NUP98: variants seen among roughly 807,000 people sequenced by gnomAD.
NUP98 encodes the protein nucleoporin 98 and 96 precursor.
In NUP98, 26 loss-of-function variants were observed where a neutral mutation model predicts 191.9. The ratio of observed to expected loss-of-function variants is 0.14; its 90% CI spans 0.10 to 0.19. The LOEUF is 0.19. Ranked by LOEUF, NUP98 falls within the 10% of genes least tolerant of loss-of-function variation. The pLI is 1.00. For synonymous variants in NUP98, 808 were observed against 778.4 expected (o/e 1.04, Z -0.63); for missense variants, 1,941 against 2,178.8 (o/e 0.89, Z 2.17).
At chr11:3,709,537 TA>T (rs2078968692) in intron 20 of NUP98, among the ~76,000 whole-genome samples, 1 of 151,892 alleles carries the variant, frequency 6.6e-6, no homozygotes, top group Non-Finnish European at 1.5e-5. Context: ...ATCCTGTCTC[TA>T]AAACAATAAA....
intron 8 of NUP98, among the ~76,000 whole-genome samples, chr11:3,766,097 AG>A (rs2081328867): frequency 6.6e-6 from 1 of 152,142 alleles, no homozygotes; most frequent in African/African-American, 2.4e-5. Context: ...AAGTAAAGCC[AG>A]GTACAGCTGC....
chr11:3,702,241 A>AACAC (rs1180575472), intron 23 of NUP98, among the ~76,000 whole-genome samples: 9 of 143,994 alleles, frequency 6.3e-5, no homozygotes, highest in Non-Finnish European at 1.2e-4. Flanking sequence ...GAGACTCAAA[A>AACAC]ACACACACAC....
Position 3,676,185 on chromosome 11 carries a change from G to A in NUP98, c.5377C>T (p.Arg1793Ter). The change falls in exon 33 of 33, where the codon CGA (arginine) becomes TGA (stop). Residue 1793 changes from arginine (R) to a stop codon, truncating the protein, a stop_gained. Transcript: ENST00000324932. LOFTEE classifies it high-confidence loss of function. The part of the protein sequence containing the change: ...ELRSLTQSYL[R>*]ELAVGSL ...CACAGGCTCCCAACAGCCAGTTCTC[G>A]CAGATAGGACTGGGTAAGGCTGCGC... 6.2e-7 allele frequency: 1 copy of A among 1,614,114 alleles called. No homozygotes were observed. Among genetic ancestry groups the A allele is most frequent in the South Asian group, 1.1e-5 (1 of 91,078 alleles).
chr11:3,716,258 C>T (rs998894909), intron 18 of NUP98, among the ~76,000 whole-genome samples: 1 of 152,036 alleles, frequency 6.6e-6, no homozygotes, highest in African/African-American at 2.4e-5. Context: ...TTGTATATGG[C>T]ATAACTTCAC....
chr11:3,752,143 C>CAAA (rs112322581), intron 11 of NUP98, among the ~76,000 whole-genome samples: 1 of 121,556 alleles, frequency 8.2e-6, no homozygotes, highest in East Asian at 2.3e-4. Context: ...GACTCCATCT[C>CAAA]AAAAAAAAAA....
At chr11:3,720,248 T>G (rs1165447197) in intron 17 of NUP98, among the ~76,000 whole-genome samples, 1 of 152,158 alleles carries the variant, frequency 6.6e-6, no homozygotes, top group Admixed American at 6.5e-5. Context: ...TTATCAGTAA[T>G]AATAACATGA....
chr11:3,756,862 C>T (rs1010334518), intron 10 of NUP98, among the ~76,000 whole-genome samples: 2 of 151,214 alleles, frequency 1.3e-5, no homozygotes, highest in Non-Finnish European at 2.9e-5. Context: ...CCGAGGTGAG[C>T]GGATCACGAG....
chr11:3,765,566 G>C (rs2081309237), intron 8 of NUP98, among the ~76,000 whole-genome samples: 1 of 152,020 alleles, frequency 6.6e-6, no homozygotes, highest in South Asian at 2.1e-4. Context: ...TTGAGAGGCT[G>C]AGGCAGTCGG....
chr11:3,742,699 C>CAAGA (rs1491189702), intron 12 of NUP98, among the ~76,000 whole-genome samples: 20 of 82,888 alleles, frequency 2.4e-4, no homozygotes, highest in Admixed American at 1.4e-3. Context: ...ACTCTGTCTC[C>CAAGA]AAAAAAAAAA....
chr11:3,744,395 G>A, intron 12 of NUP98, 114 bp downstream of exon 12: 3 of 1,037,130 alleles, frequency 2.9e-6, no homozygotes, highest in Non-Finnish European at 2.7e-6. Context: ...ATTGTTTAAT[G>A]ACATGCATGT....
chr11:3,733,930 A>T lies in NUP98; in HGVS notation c.1542+1261T>A, dbSNP rs572350921. 5.9e-5 allele frequency among the ~76,000 whole-genome samples: 9 copies of T among 152,298 alleles called. No individual in the cohort carries two copies. The South Asian group carries it at 1.7e-3, about 28-fold the overall frequency. On this transcript the variant is annotated intron_variant, in intron 13 of 32. Transcript: ENST00000324932. The stretch of plus-strand genomic sequence containing the variant: ...TACCTAAAATTAGGCTGCATAAATA[A>T]TTGTCTAATCATTTACACATCACTT...
At chr11:3,772,056 A>C in intron 6 of NUP98, 128 bp from the exon 7 acceptor site, 1 of 714,666 alleles carries the variant, frequency 1.4e-6, no homozygotes, top group South Asian at 2.1e-5. Context: ...AAAAGAGAAA[A>C]CTAAGGAATG....
At chr11:3,699,854 C>T (rs1223706534) in intron 24 of NUP98, among the ~76,000 whole-genome samples, 6 of 152,224 alleles carry the variant, frequency 3.9e-5, no homozygotes, top group Admixed American at 2.6e-4. Flanking sequence ...TTTCAATAAA[C>T]GTGATTTGCT....
intron 7 of NUP98, among the ~76,000 whole-genome samples, chr11:3,770,460 G>A (rs778423744): frequency 2.6e-5 from 4 of 152,104 alleles, no homozygotes; most frequent in Middle Eastern, 3.4e-3. Flanking sequence ...CATGAGTGAC[G>A]GGAGTAAGAC....
In NUP98 at chr11:3,704,923, T is replaced by G. The variant is rs555357075; in HGVS notation, c.3082+277A>C. Among the ~76,000 whole-genome samples, 7 of 152,352 alleles carry G rather than the reference T, an allele frequency of 4.6e-5. No individual in the cohort carries two copies. In the East Asian group the frequency reaches 1.3e-3, roughly 29 times the overall value. Reference sequence around the variant, plus strand: ...ACTCAGGAGGCTGAGACAGGAGGACTGCTTGAGCCCAAGAGTTCAAGGCTG... The same window carrying G: ...ACTCAGGAGGCTGAGACAGGAGGACGGCTTGAGCCCAAGAGTTCAAGGCTG... On this transcript the variant is annotated intron_variant, in intron 22 of 32. Coordinates refer to ENST00000324932, the MANE Select transcript of NUP98 (RefSeq NM_016320.5).
At chr11:3,760,681 C>G in intron 9 of NUP98, 55 bp from the exon 10 acceptor site, 1 of 1,480,900 alleles carries the variant, frequency 6.8e-7, no homozygotes, top group South Asian at 1.2e-5. Flanking sequence ...ACACACCAAA[C>G]TAAATACAGG....
rs1487065847 is a variant in NUP98 at position 3,702,324 on chromosome 11, CTCTCTCT to C, written c.3512+132_3512+138del. ...ACACACACACACACACTCTCTCTCT[CTCTCTCT>C]CTCTCTCTCTCTCTCTCTCTCTCTC... On this transcript the variant is annotated intron_variant, in intron 23 of 32. Transcript: ENST00000324932. 1.7e-4 allele frequency: 26 copies of C among 152,580 alleles called. 1 individual carries two copies. Among genetic ancestry groups the C allele is most frequent in the Middle Eastern group, 1.5e-3 (1 of 670 alleles). The allele number at this position is 152,580 out of a possible 1,614,324, so 9.5% of individuals were successfully genotyped here. A position where few individuals can be genotyped will look rare whatever the true frequency, so the allele number is the denominator to read the frequency against.
chr11:3,693,223 C>G lies in NUP98; in HGVS notation c.4311+9G>C. The G allele has an allele frequency of 1.2e-6, 2 of 1,613,412 alleles. No individual in the cohort carries two copies. Among genetic ancestry groups the G allele is most frequent in the South Asian group, 2.2e-5 (2 of 90,984 alleles). The stretch of plus-strand genomic sequence containing the variant: ...AAGATTTTTGCTTGGCTCTATTGGC[C>G]ACATATACCTGAAATGCTTCTTCAT... On this transcript the variant is annotated intron_variant, in intron 27 of 32. Coordinates refer to ENST00000324932, the MANE Select transcript of NUP98 (RefSeq NM_016320.5).
At chr11:3,722,484 A>T (rs936806438) in intron 16 of NUP98, among the ~76,000 whole-genome samples, 1 of 151,794 alleles carries the variant, frequency 6.6e-6, no homozygotes, top group Non-Finnish European at 1.5e-5. Flanking sequence ...TATAATGGCA[A>T]TAAGAAAACT....
Sources: gnomAD v4.1 joint callset for allele counts (sites outside exome capture counted in the v4.1 genomes callset) on GRCh38, gnomAD v4.1.1 for gene constraint, MANE v1.5 for transcripts, NCBI Gene and HGNC (gene_info 2026-07-23, HGNC 2026-07-21) for gene names.